The following APOLD1 variants were observed in gnomAD, a reference collection of about 807,000 sequenced individuals.
The protein encoded by APOLD1 is apolipoprotein L domain-containing protein 1.
APOLD1 carries 22 observed loss-of-function variants against 15.3 expected under a neutral mutation model. That is an observed-to-expected ratio of 1.44 (90% CI 1.03 to 2.05). APOLD1 has a LOEUF of 2.05. APOLD1 is among the 30% of genes most tolerant of loss of function. APOLD1 has a pLI of 0.00. For synonymous variants in APOLD1, 190 were observed against 167.4 expected (o/e 1.13, Z -1.04); for missense variants, 394 against 353.5 (o/e 1.11, Z -0.92).
chr12:12,734,376 T>A (rs967424821), intron 1 of APOLD1, among the ~76,000 whole-genome samples: 1 of 152,236 alleles, frequency 6.6e-6, no homozygotes, highest in African/African-American at 2.4e-5. Flanking sequence ...CATTTCAAGT[T>A]AGCCGACTAA....
At chr12:12,777,701 C>T (rs1014694613) in intron 1 of APOLD1, among the ~76,000 whole-genome samples, 20 of 143,480 alleles carry the variant, frequency 1.4e-4, no homozygotes, top group Non-Finnish European at 2.8e-4. Context: ...ACCAGTGTGA[C>T]GCTCAAAGGA....
At chr12:12,743,487 C>G (rs1946742756) in intron 1 of APOLD1, among the ~76,000 whole-genome samples, 1 of 152,170 alleles carries the variant, frequency 6.6e-6, no homozygotes, top group Non-Finnish European at 1.5e-5. Flanking sequence ...GAGGGCCTTT[C>G]CATCTGTGGT....
intron 1 of APOLD1, among the ~76,000 whole-genome samples, chr12:12,773,288 T>C (rs1947002374): frequency 6.6e-6 from 1 of 152,198 alleles, no homozygotes; most frequent in African/African-American, 2.4e-5. Flanking sequence ...TGGCCAGTTA[T>C]GGTGTCTCAC....
intron 1 of APOLD1, among the ~76,000 whole-genome samples, chr12:12,765,073 T>C (rs1323340417): frequency 6.6e-6 from 1 of 152,140 alleles, no homozygotes; most frequent in Non-Finnish European, 1.5e-5. Context: ...AGAGGAGTTT[T>C]ATGCAAGGGA....
upstream of APOLD1, chr12:12,785,529 C>A: frequency 8.4e-7 from 1 of 1,194,914 alleles, no homozygotes; most frequent in South Asian, 1.4e-5. Flanking sequence ...TCCACCATGT[C>A]ACGTCCTTCT....
chr12:12,730,910 G>T (rs1286395626), intron 1 of APOLD1, among the ~76,000 whole-genome samples: 4 of 152,056 alleles, frequency 2.6e-5, no homozygotes, highest in Non-Finnish European at 1.5e-5. Flanking sequence ...GGGAGGCCGA[G>T]GCAGGCGGAT....
rs763240171 is a variant in APOLD1, at chr12:12,787,535, C to T, written c.630C>T (p.Thr210=). ...QKLAESLESC[T]GALDELSEQL... is the part of the protein sequence containing the mutation. ...TGGCCGAGAGCCTGGAGTCCTGCACCGGGGCTCTGGACGAACTCAGCGAGC... is the reference window on the plus strand; with the variant it reads ...TGGCCGAGAGCCTGGAGTCCTGCACTGGGGCTCTGGACGAACTCAGCGAGC... Residue 210 remains threonine, a synonymous_variant, in exon 2 of 2, where the codon ACC becomes ACT. Coordinates refer to ENST00000356591, the MANE Select transcript of APOLD1 (RefSeq NM_030817.3). This position sits in a 1 kb window ranked among gnomAD's most constrained non-coding sequence, Gnocchi z 4.9. 4 of 1,613,772 alleles carry T rather than the reference C, an allele frequency of 2.5e-6. No individual in the cohort carries two copies. Among genetic ancestry groups the T allele is most frequent in the African/African-American group, 1.3e-5 (1 of 74,942 alleles).
chr12:12,732,376 A>G (rs1946646776), intron 1 of APOLD1, among the ~76,000 whole-genome samples: 1 of 152,246 alleles, frequency 6.6e-6, no homozygotes, highest in Non-Finnish European at 1.5e-5. Flanking sequence ...AGAAAAATAA[A>G]TATTTTAAAT....
chr12:12,745,520 A>G (rs1946759085), intron 1 of APOLD1, among the ~76,000 whole-genome samples: 1 of 152,128 alleles, frequency 6.6e-6, no homozygotes, highest in African/African-American at 2.4e-5. Context: ...ATAGAGCGAG[A>G]CTGTCTCAGA....
intron 1 of APOLD1, among the ~76,000 whole-genome samples, chr12:12,760,667 C>T (rs1946891877): frequency 6.7e-6 from 1 of 150,258 alleles, no homozygotes; most frequent in African/African-American, 2.4e-5. Context: ...AACCAACAAC[C>T]AAACAACCAA....
At chr12:12,755,020 T>TGGGC (rs1180533386) in intron 1 of APOLD1, among the ~76,000 whole-genome samples, 4 of 152,042 alleles carry the variant, frequency 2.6e-5, no homozygotes, top group Non-Finnish European at 5.9e-5. Flanking sequence ...CACTCCAGTC[T>TGGGC]GGGCGACAGA....
At chr12:12,754,443 A>G (rs1946839992) in intron 1 of APOLD1, among the ~76,000 whole-genome samples, 1 of 151,548 alleles carries the variant, frequency 6.6e-6, no homozygotes, top group Non-Finnish European at 1.5e-5. Context: ...CCAGACATCT[A>G]CCTTTATTTT....
chr12:12,769,373 A>C (rs902824890), intron 1 of APOLD1, among the ~76,000 whole-genome samples: 1 of 152,244 alleles, frequency 6.6e-6, no homozygotes, highest in Non-Finnish European at 1.5e-5. Context: ...AGGTGAATGC[A>C]GATAATCACA....
At chr12:12,763,815 T>C (rs959135513) in intron 1 of APOLD1, among the ~76,000 whole-genome samples, 1 of 152,216 alleles carries the variant, frequency 6.6e-6, no homozygotes, top group African/African-American at 2.4e-5. Flanking sequence ...ATATGTGTTA[T>C]ATAAATGGTT....
chr12:12,777,923 T>TG (rs1565436856), intron 1 of APOLD1, among the ~76,000 whole-genome samples: 70 of 121,490 alleles, frequency 5.8e-4, no homozygotes, highest in African/African-American at 1.6e-3. Context: ...TTTTTTTTTT[T>TG]TTGTTGTTGT....
chr12:12,745,588 CAAAG>C (rs1406131558), intron 1 of APOLD1, among the ~76,000 whole-genome samples: 2 of 152,056 alleles, frequency 1.3e-5, no homozygotes, highest in Non-Finnish European at 2.9e-5. Context: ...AATTTTTGAG[CAAAG>C]AAAGAAACCC....
chr12:12,764,429 T>C (rs1190787761), intron 1 of APOLD1, among the ~76,000 whole-genome samples: 1 of 152,220 alleles, frequency 6.6e-6, no homozygotes, highest in Non-Finnish European at 1.5e-5. Flanking sequence ...ATATATAATA[T>C]GCTATTTTTG....
At chr12:12,744,042 G>A (rs536816043) in intron 1 of APOLD1, among the ~76,000 whole-genome samples, 63 of 152,336 alleles carry the variant, frequency 4.1e-4, no homozygotes, top group East Asian at 1.7e-3. Flanking sequence ...ATGGCTGGGC[G>A]TGGTGGCTCA....
Position 12,744,979 on chromosome 12 carries a change from G to A in APOLD1, c.96+18883G>A, listed in dbSNP as rs555541012. On this transcript the variant is annotated intron_variant, in intron 1 of 1. Transcript: ENST00000326765. The stretch of plus-strand genomic sequence containing the variant: ...CCCATACTTGCTTCACCCTGACAAA[G>A]CTTTTTCTTCTCTCTACTTCTGGCC... Among the ~76,000 whole-genome samples the A allele has an allele frequency of 1.6e-3, 240 of 152,238 alleles. 1 individual carries two copies. The highest frequency in any genetic ancestry group is 3.2e-3 in the Admixed American group (49 of 15,292).
Sources: allele counts gnomAD v4.1 joint callset (sites outside exome capture counted in the v4.1 genomes callset), GRCh38; gene constraint gnomAD v4.1.1; non-coding constraint Gnocchi (gnomAD v3.1); transcripts MANE v1.5; gene names NCBI Gene and HGNC (gene_info 2026-07-23, HGNC 2026-07-21).